RAD51B: variants seen among roughly 807,000 people sequenced by gnomAD.
The protein encoded by RAD51B is RAD51 paralog B, also known as DNA repair protein RAD51 homolog 2.
A neutral mutation model predicts 42.2 loss-of-function variants in RAD51B; 38 were observed. The ratio of observed to expected loss-of-function variants is 0.90; its 90% CI spans 0.70 to 1.18. RAD51B has a LOEUF of 1.18. Ranked by LOEUF, RAD51B falls within the 50% of genes most tolerant of loss-of-function variation. The pLI is 0.00. For missense variants in RAD51B, 373 were observed against 400.7 expected, an observed-to-expected ratio of 0.93 and a Z score of 0.59; for synonymous variants, 154 against 145.2, an observed-to-expected ratio of 1.06 and a Z score of -0.43.
At chr14:67,928,422 A>C (rs999587869) in intron 7 of RAD51B, among the ~76,000 whole-genome samples, 1 of 152,016 alleles carries the variant, frequency 6.6e-6, no homozygotes, top group Non-Finnish European at 1.5e-5. Flanking sequence ...GCGGTGGCAA[A>C]GTAGTTAGTT....
At chr14:68,603,343 G>A (rs1891301799) in intron 10 of RAD51B, among the ~76,000 whole-genome samples, 2 of 152,156 alleles carry the variant, frequency 1.3e-5, no homozygotes, top group Admixed American at 1.3e-4. Context: ...CATGCAAAGA[G>A]CTATTTCCAC....
chr14:67,829,150 C>G (rs1437886501), intron 3 of RAD51B, among the ~76,000 whole-genome samples: 1 of 152,048 alleles, frequency 6.6e-6, no homozygotes, highest in Non-Finnish European at 1.5e-5. Flanking sequence ...TGTGTCCTCT[C>G]TGATTTCTTG....
At chr14:68,620,184 TTTC>T (rs1371922852) in intron 10 of RAD51B, among the ~76,000 whole-genome samples, 3 of 152,182 alleles carry the variant, frequency 2.0e-5, no homozygotes, top group African/African-American at 4.8e-5. Flanking sequence ...AAGTCTATAT[TTTC>T]TTGTTATTTA....
intron 10 of RAD51B, among the ~76,000 whole-genome samples, chr14:68,630,256 A>G (rs1892195544): frequency 6.6e-6 from 1 of 152,144 alleles, no homozygotes; most frequent in Non-Finnish European, 1.5e-5. Flanking sequence ...GTTTGTTTCC[A>G]GGCACTCTTG....
At chr14:68,362,133 T>A (rs964217308) in intron 8 of RAD51B, among the ~76,000 whole-genome samples, 3 of 152,204 alleles carry the variant, frequency 2.0e-5, no homozygotes, top group African/African-American at 7.2e-5. Context: ...CAAACTTCCC[T>A]CATGGGATTG....
At chr14:68,166,415 C>T (rs2078753616) in intron 7 of RAD51B, among the ~76,000 whole-genome samples, 1 of 151,672 alleles carries the variant, frequency 6.6e-6, no homozygotes, top group Non-Finnish European at 1.5e-5. Flanking sequence ...AATTATTTGC[C>T]AAATTTAACT....
At chr14:68,538,603 A>C (rs777424178) in intron 10 of RAD51B, among the ~76,000 whole-genome samples, 1 of 151,264 alleles carries the variant, frequency 6.6e-6, no homozygotes, top group Non-Finnish European at 1.5e-5. Flanking sequence ...CAGAACGCCA[A>C]CATAGTTTGT....
chr14:68,191,275 G>A (rs903221300), intron 7 of RAD51B, among the ~76,000 whole-genome samples: 1 of 152,034 alleles, frequency 6.6e-6, no homozygotes, highest in Non-Finnish European at 1.5e-5. Flanking sequence ...TATGTGTTTG[G>A]ATCATGGTTT....
At chr14:68,595,921 A>G in exon 11 of RAD51B, 1 of 380,906 alleles carries the variant, frequency 2.6e-6, no homozygotes, top group Non-Finnish European at 3.9e-6. Flanking sequence ...ATAAGATTAT[A>G]CTTGACTTTT....
At chr14:68,622,538 C>A (rs866595331) in intron 10 of RAD51B, among the ~76,000 whole-genome samples, 1 of 152,076 alleles carries the variant, frequency 6.6e-6, no homozygotes, top group Non-Finnish European at 1.5e-5. Context: ...AAATTAAAGG[C>A]AAGAGTGCAT....
At chr14:67,940,012 T>C (rs1595138290) in intron 7 of RAD51B, among the ~76,000 whole-genome samples, 1 of 105,832 alleles carries the variant, frequency 9.4e-6, no homozygotes, top group East Asian at 2.9e-4. Flanking sequence ...AACTGTAACA[T>C]TTGATAGATG....
At chr14:67,860,784 T>A (rs1282906885) in intron 4 of RAD51B, among the ~76,000 whole-genome samples, 1 of 152,208 alleles carries the variant, frequency 6.6e-6, no homozygotes, top group South Asian at 2.1e-4. Context: ...CCTGTAAAAG[T>A]CTTTCAACTT....
chr14:68,308,206 T>G (rs1393443095), intron 8 of RAD51B, among the ~76,000 whole-genome samples: 2 of 152,216 alleles, frequency 1.3e-5, no homozygotes, highest in African/African-American at 4.8e-5. Flanking sequence ...TTAGGACATT[T>G]TGCACATCAG....
chr14:68,630,278 G>A (rs1237473383), intron 10 of RAD51B, among the ~76,000 whole-genome samples: 3 of 152,118 alleles, frequency 2.0e-5, no homozygotes, highest in Admixed American at 1.3e-4. Flanking sequence ...GCCTCCGGAG[G>A]AATTTCTTCA....
intron 10 of RAD51B, among the ~76,000 whole-genome samples, chr14:68,579,127 T>G (rs116597505): frequency 1.9e-3 from 283 of 152,276 alleles, no homozygotes; most frequent in African/African-American, 6.3e-3. Flanking sequence ...CAATTTTCCT[T>G]TGCACACATG....
In RAD51B at chr14:67,823,566, G is replaced by T. The variant is rs867530891; in HGVS notation, c.23G>T (p.Arg8Leu). ...GGCATGGGTAGCAAGAAACTAAAAC[G>T]AGTGGGTTTATCACAAGAGCTGTGT... MGSKKLK[R>L]VGLSQELCDR... Residue 8 changes from arginine to leucine, a missense_variant, in exon 2 of 11, where the codon CGA (arginine) becomes CTA (leucine). By Grantham distance (102) the Arg-to-Leu change is moderately radical (BLOSUM62 -2). Coordinates refer to ENST00000471583, the MANE Select transcript of RAD51B (RefSeq NM_133510.4). 1 of 1,613,646 alleles carries T rather than the reference G, an allele frequency of 6.2e-7. No homozygotes were observed.
intron 7 of RAD51B, among the ~76,000 whole-genome samples, chr14:68,137,316 G>A (rs2078031969): frequency 6.6e-6 from 1 of 152,028 alleles, no homozygotes; most frequent in Non-Finnish European, 1.5e-5. Context: ...GTAACTTTGG[G>A]GAAGGCTGCT....
chr14:68,120,330 C>A (rs1460231821), intron 7 of RAD51B, among the ~76,000 whole-genome samples: 1 of 152,082 alleles, frequency 6.6e-6, no homozygotes, highest in African/African-American at 2.4e-5. Context: ...TTAATTAGAT[C>A]CCATTTGTCA....
intron 7 of RAD51B, among the ~76,000 whole-genome samples, chr14:68,209,846 G>A (rs2079666286): frequency 6.6e-6 from 1 of 152,136 alleles, no homozygotes; most frequent in South Asian, 2.1e-4. Flanking sequence ...TGGTATTAAA[G>A]GAAGCTTCTT....
Sources: allele counts gnomAD v4.1 joint callset (sites outside exome capture counted in the v4.1 genomes callset), GRCh38; gene constraint gnomAD v4.1.1; transcripts MANE v1.5; gene names NCBI Gene and HGNC (gene_info 2026-07-23, HGNC 2026-07-21).